Variants in CDH16 observed in about 807,000 individuals in gnomAD.
The protein encoded by CDH16 is cadherin-16.
A neutral mutation model predicts 87.6 loss-of-function variants in CDH16; 79 were observed. The observed-to-expected ratio is 0.90, with a 90% CI of 0.75 to 1.09. CDH16 has a LOEUF of 1.09. CDH16 is among the 50% of genes least tolerant of loss of function. The pLI is 0.00. For synonymous variants in CDH16, 457 were observed against 439.5 expected (o/e 1.04, Z -0.50); for missense variants, 1,124 against 1,071.7 (o/e 1.05, Z -0.68).
chr16:66,915,992 C>A, intron 5 of CDH16, 73 bp downstream of exon 5: 2 of 1,559,768 alleles, frequency 1.3e-6, no homozygotes, highest in South Asian at 1.1e-5. Flanking sequence ...ACTGTCTGGC[C>A]ATCTCTTCGC....
rs756196895 is a variant in CDH16 at position 66,916,199 on chromosome 16, G to A, written c.290C>T (p.Thr97Ile). The A allele has an allele frequency of 1.9e-6, 3 of 1,614,130 alleles. No homozygotes were observed. Among genetic ancestry groups the A allele is most frequent in the African/African-American group, 1.3e-5 (1 of 74,956 alleles). The stretch of plus-strand genomic sequence containing the variant: ...GACATGTCCATCCTGCATCTCCAGG[G>A]TGACCTGGCAGGGAAGGGGAGTCAG... ...EEQAEYQLQVTLEMQDGHVLW... is the reference protein window; with the variant it reads ...EEQAEYQLQVILEMQDGHVLW... The change falls in exon 5 of 18, where the codon ACC (threonine) becomes ATC (isoleucine). Residue 97 changes from threonine (T) to isoleucine (I), a missense_variant. Physicochemically the swap from Thr to Ile is moderately conservative, Grantham distance 89. Coordinates refer to ENST00000299752, the MANE Select transcript of CDH16 (RefSeq NM_004062.4). This position sits in a 1 kb window ranked among gnomAD's most constrained non-coding sequence, Gnocchi z 4.1.
rs189796321 is a variant in CDH16, at chr16:66,914,551, C to A, written c.584-139G>T. The A allele has an allele frequency of 5.9e-4, 379 of 641,540 alleles. 3 individuals are homozygous for A. The East Asian group carries it at 6.5e-3, about 11-fold the overall frequency. 39.7% of individuals were successfully genotyped at this position (641,540 alleles called of 1,614,324 possible). On this transcript the variant is annotated intron_variant, in intron 6 of 17. Coordinates refer to ENST00000299752, the MANE Select transcript of CDH16 (RefSeq NM_004062.4). The stretch of plus-strand genomic sequence containing the variant: ...TCTCTTGGCCAAGGGAAGAGAGGAA[C>A]TTTAAGCACTGTTGTGAGCCTCCAA...
Position 66,916,516 on chromosome 16 carries a change from G to T in CDH16, c.130-87C>A. ...ACCTGATGGCCTCATTTTACATGTG[G>T]GGAAACTGAGTCTCAGAGACATCTG... On this transcript the variant is annotated intron_variant, in intron 3 of 17. Coordinates refer to ENST00000299752, the MANE Select transcript of CDH16 (RefSeq NM_004062.4). The surrounding 1 kb of genome is among the most constrained non-coding windows in gnomAD (Gnocchi z 4.1). 1 of 1,411,450 alleles carries T rather than the reference G, an allele frequency of 7.1e-7. No homozygotes were observed. 87.4% of individuals were successfully genotyped at this position (1,411,450 alleles called of 1,614,324 possible). A position where few individuals can be genotyped will look rare whatever the true frequency, so the allele number is the denominator to read the frequency against.
At position 66,917,677 on chromosome 16, in the gene CDH16, T is replaced by C; in HGVS notation, c.94A>G (p.Asn32Asp). ...TATAAAGGGAAATTTCCACCATAGT[T>C]TTCTGGAACTTCCACAGACAGCTCT... ...PAELSVEVPENYGGNFPLYLT... is the reference protein window; with the variant it reads ...PAELSVEVPEDYGGNFPLYLT... The change falls in exon 3 of 18, where the codon AAC becomes GAC. Residue 32 changes from asparagine to aspartate, a missense_variant. Coordinates refer to ENST00000299752, the MANE Select transcript of CDH16 (RefSeq NM_004062.4). 1 of 1,613,576 alleles carries C rather than the reference T, an allele frequency of 6.2e-7. No individual in the cohort carries two copies. Among genetic ancestry groups the C allele is most frequent in the Non-Finnish European group, 8.5e-7 (1 of 1,179,818 alleles).
chr16:66,916,328 G>A lies in CDH16; in HGVS notation c.231C>T (p.Phe77=). Residue 77 remains phenylalanine, a synonymous_variant, in exon 4 of 18, where the codon TTC becomes TTT. Transcript: ENST00000299752. This position sits in a 1 kb window ranked among gnomAD's most constrained non-coding sequence, Gnocchi z 4.1. ...GGTCCAGGGCCCTGGTCACCAGCAG[G>A]AAGCCAGAATCTGGATCCATAGCAA... The part of the protein sequence containing the change: ...GPFAMDPDSG[F]LLVTRALDRE... 1 of 1,614,172 alleles carries A rather than the reference G, an allele frequency of 6.2e-7. No homozygotes were observed. Among genetic ancestry groups the A allele is most frequent in the East Asian group, 2.2e-5 (1 of 44,886 alleles).
At chr16:66,914,779 A>T (rs1962604561) in intron 6 of CDH16, among the ~76,000 whole-genome samples, 1 of 151,936 alleles carries the variant, frequency 6.6e-6, no homozygotes, top group African/African-American at 2.4e-5. Flanking sequence ...GAGTGATGGG[A>T]GGTTGGATGG....
chr16:66,916,014 C>T lies in CDH16; in HGVS notation c.424+51G>A. ...GGCCATCTCTTCGCTCTCTGCTGTTCCATCAAGGCCCACCTGACCTTACTG... is the reference window on the plus strand; with the variant it reads ...GGCCATCTCTTCGCTCTCTGCTGTTTCATCAAGGCCCACCTGACCTTACTG... On this transcript the variant is annotated intron_variant, in intron 5 of 17. Transcript: ENST00000299752. The surrounding 1 kb of genome is among the most constrained non-coding windows in gnomAD (Gnocchi z 4.1). 1 of 1,610,426 alleles carries T rather than the reference C, an allele frequency of 6.2e-7. No homozygotes were observed. Among genetic ancestry groups the T allele is most frequent in the Non-Finnish European group, 8.5e-7 (1 of 1,178,080 alleles).
chr16:66,912,675 C>T lies in CDH16; in HGVS notation c.1271G>A (p.Gly424Asp), dbSNP rs138940422. ...ATCAGGGCACTTACCACCCTCTGCG[C>T]CTGCCAGGTCCATGGCCAGCACCAG... is the stretch of plus-strand genomic sequence containing the variant. ...LLLVLAMDLA[G>D]AEGGFSSTCE... Residue 424 changes from glycine to aspartate, a missense_variant, in exon 10 of 18, where the codon GGC becomes GAC. By Grantham distance (94) the Gly-to-Asp change is moderately conservative (BLOSUM62 -1). Coordinates refer to ENST00000299752, the MANE Select transcript of CDH16 (RefSeq NM_004062.4). The T allele has an allele frequency of 8.7e-6, 14 of 1,613,934 alleles. No homozygotes were observed. The African/African-American group carries it at 1.5e-4, about 17-fold the overall frequency.
At chr16:66,917,459 A>C (rs1427430884) in intron 3 of CDH16, among the ~76,000 whole-genome samples, 183 bp downstream of exon 3, 1 of 152,160 alleles carries the variant, frequency 6.6e-6, no homozygotes, top group Non-Finnish European at 1.5e-5. Flanking sequence ...AAAATCCAAA[A>C]TCTGAAACAC....
In CDH16 at chr16:66,918,060, G is replaced by A; in HGVS notation, c.6C>T (p.Val2=). 1 of 1,584,298 alleles carries A rather than the reference G, an allele frequency of 6.3e-7. No individual in the cohort carries two copies. Among genetic ancestry groups the A allele is most frequent in the African/African-American group, 1.3e-5 (1 of 74,684 alleles). ...CACAAAGCAGCCACAGCCAGGCAGG[G>A]ACCATGGTCAGGACAGGCCTGAGGG... M[V]PAWLWLLCVS... The change falls in exon 2 of 18, where the codon GTC becomes GTT. Residue 2 remains valine, a synonymous_variant. Transcript: ENST00000299752.
Position 66,914,320 on chromosome 16 carries a change from T to G in CDH16, c.676A>C (p.Thr226Pro). ...ATGATGGAGACTTCCACGGTGGCAG[T>G]GGCCTGGTGGCCTGAGGCCTGGTCA... Reference protein sequence around the residue: ...MGDQASGHQATATVEVSIIES... With the variant: ...MGDQASGHQAPATVEVSIIES... The change falls in exon 7 of 18, where the codon ACT (threonine) becomes CCT (proline). Residue 226 changes from threonine (T) to proline (P), a missense_variant. Transcript: ENST00000299752. 1.2e-6 allele frequency: 2 copies of G among 1,614,178 alleles called. No homozygotes were observed. Among genetic ancestry groups the G allele is most frequent in the Non-Finnish European group, 1.7e-6 (2 of 1,180,008 alleles).
chr16:66,911,992 TG>T lies in CDH16; in HGVS notation c.1696del (p.Gln566ArgfsTer19), dbSNP rs1208372715. On this transcript the variant is annotated frameshift_variant, in exon 13 of 18. Transcript: ENST00000299752. LOFTEE classifies it high-confidence loss of function. The stretch of plus-strand genomic sequence containing the variant: ...GGGGACACTGGCCTCGTAGCTCTCC[TG>T]GTCCAACTTGGGGGGTGGCATCACT... ...ERVMPPPKLD[Q>X]ESYEASVPIS... 1.2e-6 allele frequency: 2 copies of T among 1,614,160 alleles called. 1 individual carries two copies. The highest frequency in any genetic ancestry group is 2.2e-5 in the South Asian group (2 of 91,086).
At chr16:66,918,362 G>A (rs551686970) in intron 1 of CDH16, among the ~76,000 whole-genome samples, 27 of 152,310 alleles carry the variant, frequency 1.8e-4, no homozygotes, top group African/African-American at 5.5e-4. Flanking sequence ...TCCCCAGGCC[G>A]CAGATCCCAA....
chr16:66,913,119 C>T lies in CDH16; in HGVS notation c.1054+12G>A, dbSNP rs1327606415. 6.2e-7 allele frequency: 1 copy of T among 1,601,906 alleles called. No individual in the cohort carries two copies. The highest frequency in any genetic ancestry group is 8.5e-7 in the Non-Finnish European group (1 of 1,174,222). On this transcript the variant is annotated intron_variant, in intron 9 of 17. Coordinates refer to ENST00000299752, the MANE Select transcript of CDH16 (RefSeq NM_004062.4). The stretch of plus-strand genomic sequence containing the variant: ...AATAGAGACTTCGTCCCTCTCCCAT[C>T]CTGTAGCTCACCTGGTGGACTGAGC...
At chr16:66,911,633 T>C (rs1282178990) in intron 13 of CDH16, among the ~76,000 whole-genome samples, 1 of 152,176 alleles carries the variant, frequency 6.6e-6, no homozygotes, top group Non-Finnish European at 1.5e-5. Context: ...GTCTGCAATC[T>C]GTTGGGGGGC....
chr16:66,912,735 A>G lies in CDH16; in HGVS notation c.1211T>C (p.Val404Ala). 6.2e-7 allele frequency: 1 copy of G among 1,613,378 alleles called. No individual in the cohort carries two copies. The highest frequency in any genetic ancestry group is 8.5e-7 in the Non-Finnish European group (1 of 1,179,940). Residue 404 changes from valine (V) to alanine (A), a missense_variant, in exon 10 of 18, where the codon GTG (valine) becomes GCG (alanine). Coordinates refer to ENST00000299752, the MANE Select transcript of CDH16 (RefSeq NM_004062.4). The stretch of plus-strand genomic sequence containing the variant: ...GTTCTGGCCTGCTCGGAGTGGGAGC[A>G]CCCCCAGCGTCACACTGCCTGAAGT... Reference protein sequence around the residue: ...DPTSGSVTLGVLPLRAGQNIL... With the variant: ...DPTSGSVTLGALPLRAGQNIL...
Position 66,912,518 on chromosome 16 carries a change from A to C in CDH16, c.1345T>G (p.Phe449Val), listed in dbSNP as rs777914476. ...VTDINDHAPE[F>V]ITSQIGPISL... ...CGTCTGCTTACCTGGGAAGTGATGAACTCAGGGGCGTGATCATTGATATCT... is the reference window on the plus strand; with the variant it reads ...CGTCTGCTTACCTGGGAAGTGATGACCTCAGGGGCGTGATCATTGATATCT... Residue 449 changes from phenylalanine to valine, a missense_variant, in exon 11 of 18, where the codon TTC (phenylalanine) becomes GTC (valine). Coordinates refer to ENST00000299752, the MANE Select transcript of CDH16 (RefSeq NM_004062.4). 1.2e-6 allele frequency: 2 copies of C among 1,614,082 alleles called. No homozygotes were observed. Among genetic ancestry groups the C allele is most frequent in the Admixed American group, 3.3e-5 (2 of 60,004 alleles).
At chr16:66,910,639 C>T in intron 14 of CDH16, 137 bp from the exon 15 acceptor site, 1 of 934,156 alleles carries the variant, frequency 1.1e-6, no homozygotes, top group Non-Finnish European at 1.5e-6. Flanking sequence ...CTTCTCTCCA[C>T]CTGTCATCAT....
At chr16:66,914,684 C>T (rs572397794) in intron 6 of CDH16, among the ~76,000 whole-genome samples, 1 of 152,054 alleles carries the variant, frequency 6.6e-6, no homozygotes, top group Non-Finnish European at 1.5e-5. Flanking sequence ...GGGTAGATGG[C>T]AGATGATGGG....
Sources: gnomAD v4.1 joint callset for allele counts (sites outside exome capture counted in the v4.1 genomes callset) on GRCh38, gnomAD v4.1.1 for gene constraint, Gnocchi (gnomAD v3.1) non-coding constraint, MANE v1.5 for transcripts, NCBI Gene and HGNC (gene_info 2026-07-23, HGNC 2026-07-21) for gene names.